The following ACADL variants were observed in gnomAD, a reference collection of about 807,000 sequenced individuals.
ACADL encodes acyl-CoA dehydrogenase long chain, also known as long-chain specific acyl-CoA dehydrogenase, mitochondrial.
In ACADL, 60 loss-of-function variants were observed where a neutral mutation model predicts 56.9. That is an observed-to-expected ratio of 1.05 (90% CI 0.86 to 1.31). ACADL has a LOEUF of 1.31. ACADL is among the 50% of genes most tolerant of loss of function. ACADL has a pLI of 0.00. For synonymous variants in ACADL, 158 were observed against 179.7 expected, an observed-to-expected ratio of 0.88 and a Z score of 0.97; for missense variants, 484 against 525.5, an observed-to-expected ratio of 0.92 and a Z score of 0.77.
rs1689113060 is a variant in ACADL, at chr2:210,217,874, T to C, written c.371+91A>G. ...TTCAATCTTCCAAGATTAGAAAACA[T>C]TTGTTTGTTTGTTTGTTTGTTTGGT... On this transcript the variant is annotated intron_variant, in intron 3 of 10. Transcript: ENST00000233710. The C allele has an allele frequency of 4.4e-6, 6 of 1,365,220 alleles. No individual in the cohort carries two copies. In the East Asian group the frequency reaches 1.5e-4, roughly 33 times the overall value. 84.6% of individuals were successfully genotyped at this position (1,365,220 alleles called of 1,614,324 possible).
In ACADL at chr2:210,225,315, G is replaced by A; in HGVS notation, c.-52C>T. The A allele has an allele frequency of 6.6e-7, 1 of 1,519,960 alleles. No homozygotes were observed. The highest frequency in any genetic ancestry group is 8.8e-7 in the Non-Finnish European group (1 of 1,134,106). The allele number at this position is 1,519,960 out of a possible 1,614,324, so 94.2% of individuals were successfully genotyped here. A position where few individuals can be genotyped will look rare whatever the true frequency, so the allele number is the denominator to read the frequency against. ...ACGGAGGCGACTCTGCGGCTACTCG[G>A]CGACTCGGGGCAGGGTCCCCGGGAG... On this transcript the variant is annotated 5_prime_UTR_variant, in exon 1 of 11. Coordinates refer to ENST00000233710, the MANE Select transcript of ACADL (RefSeq NM_001608.4).
chr2:210,212,406 G>A lies in ACADL; in HGVS notation c.537-2144C>T, dbSNP rs1455518582. Among the ~76,000 whole-genome samples the A allele has an allele frequency of 2.0e-5, 3 of 152,158 alleles. No individual in the cohort carries two copies. In the East Asian group the frequency reaches 5.8e-4, roughly 29 times the overall value. ...CCACAAAGGCAAAGACTGCAGTGAC[G>A]AGGCAACAAGGCAAGGAACGCCAAC... On this transcript the variant is annotated intron_variant, in intron 4 of 10. Transcript: ENST00000233710.
At chr2:210,217,900 C>G in intron 3 of ACADL, 65 bp downstream of exon 3, 1 of 1,567,184 alleles carries the variant, frequency 6.4e-7, no homozygotes, top group Non-Finnish European at 8.8e-7. Context: ...TTTGTTTGGT[C>G]ATTTCAGAAA....
intron 5 of ACADL, among the ~76,000 whole-genome samples, chr2:210,207,465 A>AT (rs1453463520): frequency 1.3e-5 from 2 of 152,050 alleles, no homozygotes; most frequent in Non-Finnish European, 2.9e-5. Context: ...TTCCTGACCT[A>AT]TGAGTCTTTG....
In ACADL at chr2:210,210,280, G is replaced by T. The variant is rs748305872; in HGVS notation, c.537-18C>A. ...GTAAGTCACTGTAATTGAAAGAAAA[G>T]ATAAAAAATTCATCAAATGATAAAA... On this transcript the variant is annotated intron_variant, in intron 4 of 10. Coordinates refer to ENST00000233710, the MANE Select transcript of ACADL (RefSeq NM_001608.4). 6.4e-7 allele frequency: 1 copy of T among 1,560,804 alleles called. No individual in the cohort carries two copies.
rs200233656 is a variant in ACADL at position 210,218,049 on chromosome 2, T to G, written c.287A>C (p.Gln96Pro). Residue 96 changes from glutamine (Q) to proline (P), a missense_variant, in exon 3 of 11, where the codon CAA becomes CCA. Transcript: ENST00000233710. ...TGCAATATTGACACCAAGCAGTCCT[T>G]GTTTTCCAGCTTTTTCCCAAACCTC... ...SREVWEKAGK[Q>P]GLLGVNIAEH... 1.1e-4 allele frequency: 173 copies of G among 1,614,066 alleles called. No individual in the cohort carries two copies. In the Admixed American group the frequency reaches 1.5e-3, roughly 14 times the overall value.
At chr2:210,217,020 A>G (rs888912451) in intron 3 of ACADL, among the ~76,000 whole-genome samples, 2 of 152,068 alleles carry the variant, frequency 1.3e-5, no homozygotes, top group Non-Finnish European at 2.9e-5. Flanking sequence ...ACACACATAC[A>G]CACACACAAA....
chr2:210,214,215 C>G (rs1689035910), intron 4 of ACADL, among the ~76,000 whole-genome samples: 1 of 152,034 alleles, frequency 6.6e-6, no homozygotes, highest in Admixed American at 6.6e-5. Context: ...ATAGACAGTG[C>G]TCAATCCATC....
intron 1 of ACADL, chr2:210,224,759 A>C: frequency 3.0e-6 from 3 of 987,846 alleles, no homozygotes; most frequent in Non-Finnish European, 1.2e-6. Flanking sequence ...AGCCGTGGGG[A>C]ACGCCGGGTT....
chr2:210,221,783 C>A (rs1275126272), intron 1 of ACADL, among the ~76,000 whole-genome samples: 4 of 149,514 alleles, frequency 2.7e-5, no homozygotes, highest in African/African-American at 9.9e-5. Flanking sequence ...GGCTGGAATG[C>A]AGTGATGCAA....
chr2:210,208,746 T>C (rs1688932317), intron 5 of ACADL, among the ~76,000 whole-genome samples: 1 of 152,248 alleles, frequency 6.6e-6, no homozygotes, highest in Non-Finnish European at 1.5e-5. Context: ...GTTTTTTCAC[T>C]TAATGTATAA....
intron 4 of ACADL, among the ~76,000 whole-genome samples, chr2:210,210,908 T>A (rs959769997): frequency 3.3e-5 from 5 of 152,198 alleles, no homozygotes; most frequent in South Asian, 2.1e-4. Context: ...ATCAGGCCAC[T>A]GCACTCTAGT....
chr2:210,221,896 A>C (rs577703026), intron 1 of ACADL, among the ~76,000 whole-genome samples: 1 of 151,920 alleles, frequency 6.6e-6, no homozygotes, highest in Middle Eastern at 3.4e-3. Flanking sequence ...TACCCAGCTA[A>C]GTTTTGTATT....
intron 4 of ACADL, among the ~76,000 whole-genome samples, chr2:210,214,857 T>C (rs1040576438): frequency 2.0e-5 from 3 of 152,220 alleles, no homozygotes; most frequent in Non-Finnish European, 2.9e-5. Context: ...ATCACACTTG[T>C]AGGCAACAGA....
intron 5 of ACADL, among the ~76,000 whole-genome samples, chr2:210,207,812 A>G (rs1451143295): frequency 6.6e-6 from 1 of 152,212 alleles, no homozygotes; most frequent in Non-Finnish European, 1.5e-5. Flanking sequence ...TAGGTGACAC[A>G]ATAATAAAAG....
At chr2:210,197,024 T>C (rs1408106604) in intron 8 of ACADL, among the ~76,000 whole-genome samples, 1 of 152,148 alleles carries the variant, frequency 6.6e-6, no homozygotes, top group Non-Finnish European at 1.5e-5. Context: ...GTTGGGACAG[T>C]TTTGATACTT....
At chr2:210,224,659 C>T in intron 1 of ACADL, 1 of 985,948 alleles carries the variant, frequency 1.0e-6, no homozygotes, top group African/African-American at 1.7e-5. Context: ...CAGGTCATTT[C>T]TAGCCCAGTT....
chr2:210,221,768 G>A (rs976618631), intron 1 of ACADL, among the ~76,000 whole-genome samples: 7 of 144,556 alleles, frequency 4.8e-5, no homozygotes, highest in East Asian at 4.0e-4. Context: ...TGGCTCTGTC[G>A]CCCAGGCTGG....
At chr2:210,210,169 G>A in intron 5 of ACADL, 27 bp downstream of exon 5, 2 of 1,541,282 alleles carry the variant, frequency 1.3e-6, no homozygotes, top group South Asian at 1.1e-5. Context: ...CTGAAAAGAA[G>A]GGCTATAGAA....
Sources: gnomAD v4.1 joint callset for allele counts (sites outside exome capture counted in the v4.1 genomes callset) on GRCh38, gnomAD v4.1.1 for gene constraint, MANE v1.5 for transcripts, NCBI Gene and HGNC (gene_info 2026-07-23, HGNC 2026-07-21) for gene names.